ETV6: variants seen among roughly 807,000 people sequenced by gnomAD.
The protein encoded by ETV6 is ETS variant transcription factor 6.
ETV6 carries 16 observed loss-of-function variants against 51.1 expected under a neutral mutation model. The ratio of observed to expected loss-of-function variants is 0.31; its 90% confidence interval spans 0.21 to 0.48. ETV6 has a LOEUF of 0.48. ETV6 is among the 20% of genes least tolerant of loss of function. ETV6 has a pLI of 0.99. For synonymous variants in ETV6, 240 were observed against 224.1 expected (o/e 1.07, Z -0.64); for missense variants, 458 against 594.8 (o/e 0.77, Z 2.39).
rs58075455 is a variant in ETV6 at position 11,867,814 on chromosome 12, C to T, written c.464-1610C>T. 5.5e-3 allele frequency among the ~76,000 whole-genome samples: 834 copies of T among 152,294 alleles called. 9 individuals carry two copies. The highest frequency in any genetic ancestry group is 0.019 in the African/African-American group (799 of 41,548). On this transcript the variant is annotated intron_variant, in intron 4 of 7. Coordinates refer to ENST00000396373, the MANE Select transcript of ETV6 (RefSeq NM_001987.5). ...TGCACATCCTTTTGGTGAGACTGCC[C>T]TGGGAACAGATGTGGCCAGAGAGAG... is the stretch of plus-strand genomic sequence containing the variant.
At chr12:11,668,309 A>ACCCT (rs1182615178) in intron 1 of ETV6, among the ~76,000 whole-genome samples, 1 of 138,054 alleles carries the variant, frequency 7.2e-6, no homozygotes, top group Non-Finnish European at 1.6e-5. Flanking sequence ...TGGGAGGGAC[A>ACCCT]CCCTCCCCTT....
At chr12:11,855,971 TGATG>T (rs1946627811) in intron 4 of ETV6, among the ~76,000 whole-genome samples, 1 of 152,188 alleles carries the variant, frequency 6.6e-6, no homozygotes, top group Non-Finnish European at 1.5e-5. Flanking sequence ...AAAGGGTATG[TGATG>T]GGTTTTCTTT....
intron 1 of ETV6, among the ~76,000 whole-genome samples, chr12:11,730,303 A>G (rs1325269298): frequency 2.6e-5 from 4 of 152,184 alleles, no homozygotes; most frequent in Non-Finnish European, 5.9e-5. Flanking sequence ...TTATTTCCTG[A>G]TAACTTTACA....
Position 11,839,204 on chromosome 12 carries a change from G to T in ETV6, c.228G>T (p.Glu76Asp), listed in dbSNP as rs548583307. The T allele has an allele frequency of 1.2e-6, 2 of 1,614,222 alleles. No individual in the cohort carries two copies. The highest frequency in any genetic ancestry group is 1.7e-6 in the Non-Finnish European group (2 of 1,180,054). ...AGTGGCTCAAGTGGGCTGAAAATGA[G>T]TTTTCTTTAAGGCCAATTGACAGCA... ...VAQWLKWAENEFSLRPIDSNT... is the reference protein window; with the variant it reads ...VAQWLKWAENDFSLRPIDSNT... Residue 76 changes from glutamate (E) to aspartate (D), a missense_variant, in exon 3 of 8, where the codon GAG becomes GAT. Glu to Asp is a conservative substitution (Grantham distance 45). This residue lies in a region of ETV6 where 26 missense variants were observed against 52.1 expected (regional missense o/e 0.50). Coordinates refer to ENST00000396373, the MANE Select transcript of ETV6 (RefSeq NM_001987.5).
intron 5 of ETV6, among the ~76,000 whole-genome samples, chr12:11,870,426 A>C (rs1946863655): frequency 1.3e-5 from 2 of 152,102 alleles, no homozygotes; most frequent in African/African-American, 4.8e-5. Context: ...GTAGGAGAGG[A>C]AAACAGGATT....
At chr12:11,688,530 A>G (rs1030335763) in intron 1 of ETV6, among the ~76,000 whole-genome samples, 5 of 152,182 alleles carry the variant, frequency 3.3e-5, no homozygotes, top group Non-Finnish European at 7.3e-5. Flanking sequence ...TCACTGTCCC[A>G]CTGGTGATAA....
At chr12:11,712,521 C>T (rs1865192165) in intron 1 of ETV6, among the ~76,000 whole-genome samples, 1 of 152,122 alleles carries the variant, frequency 6.6e-6, no homozygotes, top group African/African-American at 2.4e-5. Flanking sequence ...TCCAGAGAAA[C>T]AGAACCAATA....
At chr12:11,690,250 T>C (rs758899228) in intron 1 of ETV6, among the ~76,000 whole-genome samples, 6 of 151,806 alleles carry the variant, frequency 4.0e-5, no homozygotes, top group Admixed American at 6.6e-5. Flanking sequence ...GTAGATGCAG[T>C]GTGAGCTGTC....
chr12:11,860,881 T>G (rs1946706454), intron 4 of ETV6, among the ~76,000 whole-genome samples: 1 of 152,230 alleles, frequency 6.6e-6, no homozygotes, highest in African/African-American at 2.4e-5. Context: ...ATCAGGTTTG[T>G]GCACCTTATA....
chr12:11,739,031 TTGTTTTTCAGC>T (rs1315299974), intron 1 of ETV6, among the ~76,000 whole-genome samples: 2 of 151,968 alleles, frequency 1.3e-5, no homozygotes, highest in Non-Finnish European at 2.9e-5. Context: ...CTGAACCAAC[TTGTTTTTCAGC>T]TTCTAGGGAA....
At chr12:11,885,170 C>T (rs747637024) in intron 6 of ETV6, among the ~76,000 whole-genome samples, 3 of 152,198 alleles carry the variant, frequency 2.0e-5, no homozygotes, top group African/African-American at 2.4e-5. Flanking sequence ...AGCGGGTAAC[C>T]GTGATCCAGG....
At chr12:11,722,914 T>C (rs1865417471) in intron 1 of ETV6, among the ~76,000 whole-genome samples, 1 of 152,226 alleles carries the variant, frequency 6.6e-6, no homozygotes, top group Non-Finnish European at 1.5e-5. Flanking sequence ...GGCCGTTCTC[T>C]CAGAGTTTCT....
chr12:11,768,243 C>T (rs894536037), intron 2 of ETV6, among the ~76,000 whole-genome samples: 8 of 152,056 alleles, frequency 5.3e-5, no homozygotes, highest in Admixed American at 1.3e-4. Flanking sequence ...CTTCTAAGCA[C>T]GCTTTTTGAT....
intron 2 of ETV6, among the ~76,000 whole-genome samples, chr12:11,767,003 G>A (rs147134856): frequency 1.4e-4 from 22 of 152,316 alleles, no homozygotes; most frequent in Non-Finnish European, 2.5e-4. Context: ...TTGACATGAT[G>A]ATGCCTTAGG....
chr12:11,794,904 G>A (rs996817897), intron 2 of ETV6, among the ~76,000 whole-genome samples: 6 of 152,262 alleles, frequency 3.9e-5, no homozygotes, highest in East Asian at 3.9e-4. Flanking sequence ...CTCTACTTCC[G>A]TTGTAACTGC....
At chr12:11,758,626 G>A (rs201555233) in intron 2 of ETV6, among the ~76,000 whole-genome samples, 5 of 151,952 alleles carry the variant, frequency 3.3e-5, no homozygotes, top group East Asian at 3.9e-4. Flanking sequence ...TCCCGTTCTC[G>A]CCTGAATCTG....
intron 2 of ETV6, among the ~76,000 whole-genome samples, chr12:11,802,221 A>C (rs2856335): frequency 0.019 from 2,855 of 152,270 alleles, 89 homozygotes; most frequent in African/African-American, 0.065. Flanking sequence ...AGAAAGTCCA[A>C]GCGTACAGAA....
At chr12:11,662,464 T>C (rs1316792567) in intron 1 of ETV6, among the ~76,000 whole-genome samples, 2 of 152,226 alleles carry the variant, frequency 1.3e-5, no homozygotes, top group East Asian at 1.9e-4. Context: ...TTCTCCGAAC[T>C]AGGGGGAATG....
At chr12:11,686,132 C>G (rs1344713193) in intron 1 of ETV6, among the ~76,000 whole-genome samples, 1 of 152,202 alleles carries the variant, frequency 6.6e-6, no homozygotes, top group Non-Finnish European at 1.5e-5. Context: ...TTAGGCTTTA[C>G]CAGTCAGCTA....
Sources: gnomAD v4.1 joint callset for allele counts (sites outside exome capture counted in the v4.1 genomes callset) on GRCh38, gnomAD v4.1.1 for gene constraint, gnomAD v4.1.1 regional missense constraint, MANE v1.5 for transcripts, NCBI Gene and HGNC (gene_info 2026-07-23, HGNC 2026-07-21) for gene names.